Variants in CCDC63 observed in about 807,000 individuals in gnomAD.
The protein encoded by CCDC63 is coiled-coil domain containing 63.
In CCDC63, 54 loss-of-function variants were observed where a neutral mutation model predicts 63.6. That is an observed-to-expected ratio of 0.85 (90% CI 0.68 to 1.07). CCDC63 has a LOEUF of 1.07. Ranked by LOEUF, CCDC63 falls within the 50% of genes least tolerant of loss-of-function variation. The pLI, the probability that CCDC63 is intolerant of heterozygous loss-of-function variation, is 0.00. For synonymous variants in CCDC63, 253 were observed against 266.1 expected (o/e 0.95, Z 0.48); for missense variants, 637 against 689.6 (o/e 0.92, Z 0.86).
Position 110,879,714 on chromosome 12 carries a change from G to C in CCDC63, c.490-192G>C, listed in dbSNP as rs368470653. ...CAGTAGTAAAAAGGATCCACTAAAG[G>C]GCCCTTAGCCAGTTGGTGGGCCACT... is the stretch of plus-strand genomic sequence containing the variant. On this transcript the variant is annotated intron_variant, in intron 5 of 11. Coordinates refer to ENST00000308208, the MANE Select transcript of CCDC63 (RefSeq NM_152591.3). Among the ~76,000 whole-genome samples, 34 of 152,178 alleles carry C rather than the reference G, an allele frequency of 2.2e-4. 2 individuals carry two copies. The highest frequency in any genetic ancestry group is 1.1e-3 in the Admixed American group (17 of 15,280).
intron 8 of CCDC63, among the ~76,000 whole-genome samples, chr12:110,886,605 T>C (rs2071283054): frequency 6.6e-6 from 1 of 152,020 alleles, no homozygotes; most frequent in Admixed American, 6.6e-5. Context: ...GCAGCCAAAT[T>C]AGGGACGGGC....
At chr12:110,866,609 A>G (rs1213143053) in intron 4 of CCDC63, among the ~76,000 whole-genome samples, 1 of 150,804 alleles carries the variant, frequency 6.6e-6, no homozygotes, top group Non-Finnish European at 1.5e-5. Flanking sequence ...GACACAGCAC[A>G]TGTTTCAGGG....
intron 9 of CCDC63, among the ~76,000 whole-genome samples, chr12:110,895,979 G>A (rs115691329): frequency 0.012 from 1,849 of 152,186 alleles, 47 homozygotes; most frequent in African/African-American, 0.042. Flanking sequence ...CTGAAAACTA[G>A]GCCGATTATG....
At chr12:110,867,169 G>T (rs1159099857) in intron 4 of CCDC63, among the ~76,000 whole-genome samples, 30 of 128,610 alleles carry the variant, frequency 2.3e-4, no homozygotes, top group Non-Finnish European at 4.9e-4. Context: ...CTGGCCGGGC[G>T]GGGGGCTGAC....
intron 11 of CCDC63, among the ~76,000 whole-genome samples, chr12:110,905,276 C>T (rs543712817): frequency 6.6e-6 from 1 of 152,080 alleles, no homozygotes; most frequent in Non-Finnish European, 1.5e-5. Context: ...ACGGTTGAAG[C>T]AGCTTCAACC....
chr12:110,898,226 G>A (rs1041564586), intron 9 of CCDC63, among the ~76,000 whole-genome samples: 1 of 152,070 alleles, frequency 6.6e-6, no homozygotes, highest in Admixed American at 6.6e-5. Flanking sequence ...AGGCTGCAGT[G>A]AGCCGAGATT....
At chr12:110,891,889 G>A (rs949708139) in intron 8 of CCDC63, among the ~76,000 whole-genome samples, 5 of 152,166 alleles carry the variant, frequency 3.3e-5, no homozygotes, top group African/African-American at 4.8e-5. Context: ...CACCTTTGCC[G>A]ACCTGTTCTG....
intron 11 of CCDC63, among the ~76,000 whole-genome samples, chr12:110,906,819 T>C (rs1254138472): frequency 2.0e-5 from 3 of 152,182 alleles, no homozygotes; most frequent in African/African-American, 7.2e-5. Context: ...GCCAAGCTGC[T>C]GGTTAAGTCG....
At chr12:110,882,507 C>T (rs2071220473) in intron 7 of CCDC63, among the ~76,000 whole-genome samples, 1 of 151,780 alleles carries the variant, frequency 6.6e-6, no homozygotes, top group Admixed American at 6.6e-5. Flanking sequence ...GAGTTTGAGG[C>T]TGCAGCAAGC....
At position 110,898,947 on chromosome 12, in the gene CCDC63, G is replaced by T. The variant is rs1219708593; in HGVS notation, c.1164G>T (p.Lys388Asn). 2.5e-6 allele frequency: 4 copies of T among 1,604,654 alleles called. No individual in the cohort carries two copies. The highest frequency in any genetic ancestry group is 3.4e-6 in the Non-Finnish European group (4 of 1,174,824). ...VLRQLEDKLRKTTEEADMYES... is the reference protein window; with the variant it reads ...VLRQLEDKLRNTTEEADMYES... ...TCTGCCACCAGGATAAACTGAGGAA[G>T]ACCACGGAGGAGGCAGATATGTATG... Residue 388 changes from lysine (K) to asparagine (N), a missense_variant, in exon 10 of 12, where the codon AAG becomes AAT. Coordinates refer to ENST00000308208, the MANE Select transcript of CCDC63 (RefSeq NM_152591.3).
intron 1 of CCDC63, among the ~76,000 whole-genome samples, chr12:110,852,226 T>A (rs537311385): frequency 5.9e-5 from 9 of 152,300 alleles, no homozygotes; most frequent in African/African-American, 2.2e-4. Flanking sequence ...GGCACATTTC[T>A]ATTTAACCCC....
rs537850681 is a variant in CCDC63, at chr12:110,884,258, C to T, written c.1074+8C>T. 65 of 1,611,500 alleles carry T rather than the reference C, an allele frequency of 4.0e-5. No homozygotes were observed. Among genetic ancestry groups the T allele is most frequent in the African/African-American group, 9.3e-5 (7 of 74,980 alleles). ...AGGACCCAACGAATCCAGGTCAGGG[C>T]GGCTCTGCTTTCCCAGGCCCTGGGC... On this transcript the variant is annotated splice_region_variant and intron_variant, in intron 8 of 11. Transcript: ENST00000308208.
At chr12:110,862,774 T>C (rs2070874698) in intron 4 of CCDC63, among the ~76,000 whole-genome samples, 1 of 151,922 alleles carries the variant, frequency 6.6e-6, no homozygotes, top group South Asian at 2.1e-4. Flanking sequence ...TTTTCTTTTT[T>C]TGAGACCATC....
In CCDC63 at chr12:110,858,724, T is replaced by C; in HGVS notation, c.318T>C (p.Tyr106=). The C allele has an allele frequency of 6.2e-7, 1 of 1,614,098 alleles. No individual in the cohort carries two copies. The highest frequency in any genetic ancestry group is 8.5e-7 in the Non-Finnish European group (1 of 1,180,014). ...TCCTGCTCCAAACTAAGGAGGACTA[T>C]GAGGCATTGATTAAATCCCTGAAAG... ...LRLLLQTKED[Y]EALIKSLKVL... The change falls in exon 4 of 12, where the codon TAT becomes TAC. Residue 106 remains tyrosine, a synonymous_variant. Transcript: ENST00000308208.
At chr12:110,898,124 A>G (rs1314257253) in intron 9 of CCDC63, among the ~76,000 whole-genome samples, 1 of 151,744 alleles carries the variant, frequency 6.6e-6, no homozygotes, top group Non-Finnish European at 1.5e-5. Flanking sequence ...TCTAAAAAAA[A>G]TACAAAAATT....
chr12:110,848,661 A>T (rs2070669520), intron 1 of CCDC63, among the ~76,000 whole-genome samples: 2 of 152,226 alleles, frequency 1.3e-5, no homozygotes, highest in South Asian at 4.1e-4. Context: ...AGCGTCTGTC[A>T]TGAGCTAGGC....
At chr12:110,886,731 C>A (rs974498253) in intron 8 of CCDC63, among the ~76,000 whole-genome samples, 2 of 152,142 alleles carry the variant, frequency 1.3e-5, no homozygotes, top group Non-Finnish European at 2.9e-5. Context: ...TTGGTGCAAG[C>A]CCTGCAGGTC....
chr12:110,906,047 T>A (rs1218994374), intron 11 of CCDC63, among the ~76,000 whole-genome samples: 1 of 69,980 alleles, frequency 1.4e-5, no homozygotes, highest in African/African-American at 6.6e-5. Flanking sequence ...ATATAATATA[T>A]AATATATATA....
intron 4 of CCDC63, 66 bp from the exon 5 acceptor site, chr12:110,873,776 A>G: frequency 6.3e-7 from 1 of 1,576,468 alleles, no homozygotes; most frequent in South Asian, 1.2e-5. Context: ...CAGTTAGTGA[A>G]CTGTAGAACG....
Sources: gnomAD v4.1 joint callset for allele counts (sites outside exome capture counted in the v4.1 genomes callset) on GRCh38, gnomAD v4.1.1 for gene constraint, MANE v1.5 for transcripts, NCBI Gene and HGNC (gene_info 2026-07-23, HGNC 2026-07-21) for gene names.